Variants in TROAP observed in about 807,000 individuals in gnomAD.
TROAP encodes the protein tastin.
A neutral mutation model predicts 83.4 loss-of-function variants in TROAP; 62 were observed. The observed-to-expected ratio is 0.74, with a 90% CI of 0.61 to 0.92. The LOEUF is 0.92. TROAP is among the 40% of genes least tolerant of loss of function. The pLI, the probability that TROAP is intolerant of heterozygous loss-of-function variation, is 0.00. For missense variants in TROAP, 876 were observed against 985.1 expected (o/e 0.89, Z 1.48); for synonymous variants, 352 against 386.4 (o/e 0.91, Z 1.04).
chr12:49,325,382 AAT>A (rs1555172265), intron 3 of TROAP, 117 bp from the exon 4 acceptor site: 84 of 1,113,978 alleles, frequency 7.5e-5, no homozygotes, highest in Non-Finnish European at 9.0e-5. Flanking sequence ...AAAAAAAAAA[AAT>A]AAGCCAAATT....
In TROAP at chr12:49,329,207, G is replaced by T; in HGVS notation, c.1067G>T (p.Arg356Leu). 1.9e-6 allele frequency: 3 copies of T among 1,614,192 alleles called. No individual in the cohort carries two copies. The highest frequency in any genetic ancestry group is 2.5e-6 in the Non-Finnish European group (3 of 1,180,050). The change falls in exon 10 of 15, where the codon CGG becomes CTG. Residue 356 changes from arginine to leucine, a missense_variant. This residue lies in a region of TROAP where 689 missense variants were observed against 722.6 expected (regional missense o/e 0.95). Coordinates refer to ENST00000257909, the MANE Select transcript of TROAP (RefSeq NM_005480.4). The surrounding 1 kb of genome is among the most constrained non-coding windows in gnomAD (Gnocchi z 4.5). ...LRRLTVQPKT[R>L]FTPMPSTPRV... Reference sequence around the variant, plus strand: ...CGTCTCACCGTTCAACCTAAAACCCGGTTCACACCCATGCCATCAACCCCC... The same window carrying T: ...CGTCTCACCGTTCAACCTAAAACCCTGTTCACACCCATGCCATCAACCCCC...
At position 49,327,363 on chromosome 12, in the gene TROAP, G is replaced by C. The variant is rs775151278; in HGVS notation, c.891+33G>C. 6.2e-6 allele frequency: 10 copies of C among 1,603,010 alleles called. No individual in the cohort carries two copies. The Admixed American group carries it at 1.7e-4, about 27-fold the overall frequency. On this transcript the variant is annotated intron_variant, in intron 8 of 14. Coordinates refer to ENST00000257909, the MANE Select transcript of TROAP (RefSeq NM_005480.4). ...GCGACTCTCCTGGGATGGTGGGTGG[G>C]AGGTGCAGGAGTTGCTTGGAAGAAT...
chr12:49,324,467 A>G (rs1056287368), intron 3 of TROAP: 4 of 353,256 alleles, frequency 1.1e-5, no homozygotes, highest in Admixed American at 4.3e-5. Flanking sequence ...TATAACATGT[A>G]TATACCTTGG....
Position 49,327,197 on chromosome 12 carries a change from G to T in TROAP, c.770-12G>T. 1 of 1,613,812 alleles carries T rather than the reference G, an allele frequency of 6.2e-7. No individual in the cohort carries two copies. Among genetic ancestry groups the T allele is most frequent in the Non-Finnish European group, 8.5e-7 (1 of 1,179,820 alleles). ...TTCTAGAGTCTACAACAAATGTCCT[G>T]TTTCTTCCTAGCTTTCTCTCTTCCT... On this transcript the variant is annotated splice_polypyrimidine_tract_variant and intron_variant, in intron 7 of 14. Coordinates refer to ENST00000257909, the MANE Select transcript of TROAP (RefSeq NM_005480.4).
chr12:49,328,923 A>C lies in TROAP; in HGVS notation c.892-4A>C, dbSNP rs375688251. On this transcript the variant is annotated splice_polypyrimidine_tract_variant and splice_region_variant and intron_variant, in intron 8 of 14. Coordinates refer to ENST00000257909, the MANE Select transcript of TROAP (RefSeq NM_005480.4). The stretch of plus-strand genomic sequence containing the variant: ...TCACTCTTCCACCTTTTTCTTCTTC[A>C]CAGGACAGCCATGACTCCCACCTGA... The C allele has an allele frequency of 1.3e-6, 2 of 1,531,764 alleles. No individual in the cohort carries two copies. Among genetic ancestry groups the C allele is most frequent in the Non-Finnish European group, 1.8e-6 (2 of 1,139,888 alleles). The allele number at this position is 1,531,764 out of a possible 1,614,324, so 94.9% of individuals were successfully genotyped here.
intron 3 of TROAP, among the ~76,000 whole-genome samples, chr12:49,325,144 C>A (rs912573731): frequency 7.8e-4 from 119 of 151,838 alleles, no homozygotes; most frequent in Non-Finnish European, 1.5e-3. Context: ...GTCTCAAACT[C>A]CTGACCTCAG....
chr12:49,325,742 C>T lies in TROAP; in HGVS notation c.496-5C>T, dbSNP rs769802344. ...CAGTGCTGACAGCCTCTGTTGGTGT[C>T]CCAGGGTGTTCGGGCCTCTGCATAT... On this transcript the variant is annotated splice_region_variant and splice_polypyrimidine_tract_variant and intron_variant, in intron 4 of 14. Coordinates refer to ENST00000257909, the MANE Select transcript of TROAP (RefSeq NM_005480.4). 91 of 1,613,478 alleles carry T rather than the reference C, an allele frequency of 5.6e-5. 2 individuals are homozygous for T. The highest frequency in any genetic ancestry group is 3.7e-4 in the Admixed American group (22 of 59,950).
chr12:49,323,647 G>C lies in TROAP; in HGVS notation c.39G>C (p.Arg13=). ...TRQATKDPLL[R]GVSPTPSKIP... is the part of the protein sequence containing the mutation. ...AAGCCACGAAGGATCCCCTCCTCCG[G>C]GGTGTATCTCCTACCCCTAGCAAGA... Residue 13 remains arginine (R), a synonymous_variant, in exon 2 of 15, where the codon CGG becomes CGC. Coordinates refer to ENST00000257909, the MANE Select transcript of TROAP (RefSeq NM_005480.4). 1 of 1,614,018 alleles carries C rather than the reference G, an allele frequency of 6.2e-7. No homozygotes were observed. The highest frequency in any genetic ancestry group is 1.3e-5 in the African/African-American group (1 of 74,972).
rs756331546 is a variant in TROAP, at chr12:49,327,215, C to T, written c.776C>T (p.Ser259Phe). 8.7e-6 allele frequency: 14 copies of T among 1,614,108 alleles called. No individual in the cohort carries two copies. Among genetic ancestry groups the T allele is most frequent in the Non-Finnish European group, 1.2e-5 (14 of 1,179,962 alleles). Residue 259 changes from serine to phenylalanine, a missense_variant, in exon 8 of 15, where the codon TCT becomes TTT. Physicochemically the swap from Ser to Phe is radical, Grantham distance 155. This residue lies in a region of TROAP where 689 missense variants were observed against 722.6 expected (regional missense o/e 0.95). Transcript: ENST00000257909. ...ATGTCCTGTTTCTTCCTAGCTTTCT[C>T]TCTTCCTAAAGGAGAACGCGAGGTT... ...LLETPVQPAF[S>F]LPKGEREVVT...
intron 12 of TROAP, 39 bp downstream of exon 12, chr12:49,330,030 C>T (rs1269985269): frequency 1.2e-6 from 2 of 1,612,334 alleles, no homozygotes; most frequent in Non-Finnish European, 8.5e-7. Context: ...GTCTATTGAA[C>T]AGTGACTGGG....
intron 8 of TROAP, among the ~76,000 whole-genome samples, chr12:49,327,659 G>A (rs1345066084): frequency 6.6e-6 from 1 of 152,190 alleles, no homozygotes; most frequent in Non-Finnish European, 1.5e-5. Context: ...CCAGCCTACT[G>A]AGTGCCAGGC....
At chr12:49,324,323 A>G in intron 3 of TROAP, 1 of 792,748 alleles carries the variant, frequency 1.3e-6, no homozygotes, top group Non-Finnish European at 2.2e-6. Flanking sequence ...CCTGGATGAC[A>G]GAGGGAGATC....
At chr12:49,328,057 A>C (rs1021881003) in intron 8 of TROAP, among the ~76,000 whole-genome samples, 2 of 152,000 alleles carry the variant, frequency 1.3e-5, no homozygotes, top group African/African-American at 2.4e-5. Context: ...AGATTGAAGC[A>C]GAGTAAGAAG....
intron 3 of TROAP, 113 bp from the exon 4 acceptor site, chr12:49,325,388 C>T: frequency 1.8e-6 from 2 of 1,113,782 alleles, no homozygotes; most frequent in East Asian, 2.7e-5. Context: ...AAAAAATAAG[C>T]CAAATTCAAT....
chr12:49,325,734 G>C lies in TROAP; in HGVS notation c.496-13G>C. The C allele has an allele frequency of 6.2e-7, 1 of 1,613,430 alleles. No individual in the cohort carries two copies. The highest frequency in any genetic ancestry group is 8.5e-7 in the Non-Finnish European group (1 of 1,179,682). On this transcript the variant is annotated splice_polypyrimidine_tract_variant and intron_variant, in intron 4 of 14. Coordinates refer to ENST00000257909, the MANE Select transcript of TROAP (RefSeq NM_005480.4). ...ATCCTGAGCAGTGCTGACAGCCTCT[G>C]TTGGTGTCCCAGGGTGTTCGGGCCT...
Position 49,327,336 on chromosome 12 carries a change from A to C in TROAP, c.891+6A>C, listed in dbSNP as rs1366274958. 2.5e-6 allele frequency: 4 copies of C among 1,613,488 alleles called. No individual in the cohort carries two copies. Among genetic ancestry groups the C allele is most frequent in the Admixed American group, 1.7e-5 (1 of 59,968 alleles). On this transcript the variant is annotated splice_donor_region_variant and intron_variant, in intron 8 of 14. Transcript: ENST00000257909. ...GAGAAATGTCACATACCAGGGTGAG[A>C]TGCGACTCTCCTGGGATGGTGGGTG...
Position 49,329,254 on chromosome 12 carries a change from G to A in TROAP, c.1104+10G>A. ...CCCCAGAGTTCAGCAGGTAAGAGAG[G>A]GCATGGAGAGGTGGCTGGCATAAGT... On this transcript the variant is annotated intron_variant, in intron 10 of 14. Transcript: ENST00000257909. The surrounding 1 kb of genome is among the most constrained non-coding windows in gnomAD (Gnocchi z 4.5). 1 of 1,614,214 alleles carries A rather than the reference G, an allele frequency of 6.2e-7. No individual in the cohort carries two copies.
chr12:49,324,111 G>A (rs758614577), intron 3 of TROAP, 74 bp downstream of exon 3: 3 of 1,613,700 alleles, frequency 1.9e-6, no homozygotes, highest in East Asian at 2.2e-5. Context: ...GTGGGGTTTT[G>A]GGGTTTTGCA....
rs573550897 is a variant in TROAP at position 49,331,138 on chromosome 12, G to A, written c.2099-76G>A. The A allele has an allele frequency of 1.4e-5, 22 of 1,593,148 alleles. No homozygotes were observed. In the East Asian group the frequency reaches 3.8e-4, roughly 28 times the overall value. ...GCTCCTAATTGGCTTGGCCGTTGGT[G>A]GGGGAGGAGGAGAGGACAGTACATG... On this transcript the variant is annotated intron_variant, in intron 13 of 14. Coordinates refer to ENST00000257909, the MANE Select transcript of TROAP (RefSeq NM_005480.4).
Sources: allele counts gnomAD v4.1 joint callset (sites outside exome capture counted in the v4.1 genomes callset), GRCh38; gene constraint gnomAD v4.1.1; regional missense constraint gnomAD v4.1.1; non-coding constraint Gnocchi (gnomAD v3.1); transcripts MANE v1.5; gene names NCBI Gene and HGNC (gene_info 2026-07-23, HGNC 2026-07-21).